Variants in C1orf146 observed in about 807,000 individuals in gnomAD.
C1orf146 encodes protein SPO16 homolog.
In C1orf146, 22 loss-of-function variants were observed where a neutral mutation model predicts 23.0. The ratio of observed to expected loss-of-function variants is 0.96; its 90% CI spans 0.68 to 1.36. C1orf146 has a LOEUF of 1.36. Among genes scored for constraint, C1orf146 ranks in the 40% most tolerant of loss-of-function variants. The probability of loss-of-function intolerance (pLI) is 0.00; values close to 1 mark genes in which losing one functional copy is unlikely to be tolerated. For missense variants in C1orf146, 199 were observed against 206.8 expected, an observed-to-expected ratio of 0.96 and a Z score of 0.23; for synonymous variants, 59 against 65.3, an observed-to-expected ratio of 0.90 and a Z score of 0.47.
intron 1 of C1orf146, among the ~76,000 whole-genome samples, chr1:92,220,074 T>G (rs944443931): frequency 4.6e-5 from 7 of 152,036 alleles, no homozygotes; most frequent in African/African-American, 1.4e-4. Flanking sequence ...CTGTGTGGGG[T>G]TTTTTTGTTT....
intron 1 of C1orf146, among the ~76,000 whole-genome samples, chr1:92,219,496 CTTTTTTTTTTTT>C (rs71091269): frequency 7.4e-5 from 6 of 81,176 alleles, no homozygotes; most frequent in African/African-American, 2.0e-4. Context: ...CTTTCTCTTT[CTTTTTTTTTTTT>C]TTTTTTTTTT....
chr1:92,234,797 T>C (rs576946877), intron 2 of C1orf146, among the ~76,000 whole-genome samples: 8 of 152,346 alleles, frequency 5.3e-5, no homozygotes, highest in African/African-American at 9.6e-5. Context: ...GCTCCTGTTA[T>C]TGGTCTATTC....
chr1:92,236,718 C>G (rs1652286364), intron 2 of C1orf146, among the ~76,000 whole-genome samples: 2 of 152,146 alleles, frequency 1.3e-5, no homozygotes, highest in African/African-American at 4.8e-5. Flanking sequence ...CAACTTGGTT[C>G]CATTCTCCCC....
intron 1 of C1orf146, among the ~76,000 whole-genome samples, chr1:92,222,532 TCGG>T (rs1280128860): frequency 1.6e-4 from 22 of 138,526 alleles, no homozygotes; most frequent in African/African-American, 5.5e-4. Flanking sequence ...TATCCCTTCT[TCGG>T]TTTTTTTTTT....
intron 1 of C1orf146, among the ~76,000 whole-genome samples, chr1:92,225,776 TTG>T (rs1287747692): frequency 6.6e-6 from 1 of 152,208 alleles, no homozygotes; most frequent in African/African-American, 2.4e-5. Context: ...ACATCCCTCT[TTG>T]TCTCAGTTGA....
intron 2 of C1orf146, among the ~76,000 whole-genome samples, chr1:92,237,638 T>C (rs1267040270): frequency 3.3e-5 from 5 of 152,128 alleles, no homozygotes; most frequent in Non-Finnish European, 7.4e-5. Flanking sequence ...AAAGCTCAGA[T>C]GGAAATGCAG....
intron 1 of C1orf146, chr1:92,229,275 A>G (rs1017305121): frequency 1.8e-6 from 1 of 555,406 alleles, no homozygotes. Context: ...GTCTTTGAAG[A>G]TGTCCACATC....
rs1193590845 is a variant in C1orf146 at position 92,244,219 on chromosome 1, G to A, written c.163G>A (p.Val55Ile). The A allele has an allele frequency of 1.6e-5, 25 of 1,580,316 alleles. No individual in the cohort carries two copies. The East Asian group carries it at 1.8e-4, about 11-fold the overall frequency. The change falls in exon 4 of 6, where the codon GTT (valine) becomes ATT (isoleucine). Residue 55 changes from valine to isoleucine, a missense_variant and splice_region_variant. By Grantham distance (29) the Val-to-Ile change is conservative. Coordinates refer to ENST00000370375, the MANE Select transcript of C1orf146 (RefSeq NM_001012425.2). ...TATATTCAATTCACCTTTCCTAGGA[G>A]TTGCATTTTTATTAATGGATACTAA... ...NGSIIFSLSG[V>I]AFLLMDTKEC...
chr1:92,245,004 G>A (rs1302084975), intron 5 of C1orf146, 147 bp downstream of exon 5: 3 of 541,692 alleles, frequency 5.5e-6, no homozygotes, highest in Non-Finnish European at 9.9e-6. Flanking sequence ...TTTTTCCCAA[G>A]CCTAACTCTC....
chr1:92,228,944 T>C (rs1024163908), intron 1 of C1orf146: 15 of 422,882 alleles, frequency 3.5e-5, no homozygotes, highest in African/African-American at 3.1e-4. Context: ...TGTATGCATT[T>C]GCCAGGGACA....
At chr1:92,229,493 CT>C in intron 1 of C1orf146, 1 of 458,868 alleles carries the variant, frequency 2.2e-6, no homozygotes, top group Non-Finnish European at 4.3e-6. Flanking sequence ...GAGCTGTACC[CT>C]TGTCCCCATT....
At chr1:92,238,427 T>A (rs940310258) in intron 2 of C1orf146, among the ~76,000 whole-genome samples, 2 of 152,214 alleles carry the variant, frequency 1.3e-5, no homozygotes, top group African/African-American at 4.8e-5. Flanking sequence ...CAAAAAGAGA[T>A]GAGATAATAT....
intron 1 of C1orf146, chr1:92,229,243 ACAG>A: frequency 1.8e-6 from 1 of 555,754 alleles, no homozygotes; most frequent in Non-Finnish European, 3.6e-6. Flanking sequence ...GTGCCGCTGG[ACAG>A]CACTGTGTTG....
chr1:92,224,963 C>T (rs574121727), intron 1 of C1orf146, among the ~76,000 whole-genome samples: 176 of 152,014 alleles, frequency 1.2e-3, no homozygotes, highest in African/African-American at 4.1e-3. Context: ...GGTTGGTCTC[C>T]ATCTCTTGAC....
chr1:92,226,036 T>C (rs1040726113), intron 1 of C1orf146, among the ~76,000 whole-genome samples: 2 of 152,190 alleles, frequency 1.3e-5, no homozygotes, highest in African/African-American at 4.8e-5. Flanking sequence ...ATAAGTCATG[T>C]GACATTAAAT....
rs117049327 is a variant in C1orf146 at position 92,240,365 on chromosome 1, A to T, written c.67-1847A>T. On this transcript the variant is annotated intron_variant, in intron 2 of 5. Coordinates refer to ENST00000370375, the MANE Select transcript of C1orf146 (RefSeq NM_001012425.2). ...TTAGCTCTCTGGTGTATTCAAGCAG[A>T]TTTTAAAAGGTTGTCCAGCTTTTCT... Among the ~76,000 whole-genome samples, 29 of 152,210 alleles carry T rather than the reference A, an allele frequency of 1.9e-4. 1 individual carries two copies. In the East Asian group the frequency reaches 5.6e-3, roughly 29 times the overall value.
Position 92,239,443 on chromosome 1 carries a change from T to C in C1orf146, c.67-2769T>C, listed in dbSNP as rs951410197. ...CCCTAAGTAGGGTTGCCAGATAAAA[T>C]ACAGGACACTCAAGTTTGAATTTCC... is the stretch of plus-strand genomic sequence containing the variant. On this transcript the variant is annotated intron_variant, in intron 2 of 5. Coordinates refer to ENST00000370375, the MANE Select transcript of C1orf146 (RefSeq NM_001012425.2). Among the ~76,000 whole-genome samples the C allele has an allele frequency of 2.6e-5, 4 of 152,272 alleles. No individual in the cohort carries two copies. In the South Asian group the frequency reaches 6.2e-4, roughly 24 times the overall value.
intron 2 of C1orf146, 38 bp from the exon 3 acceptor site, chr1:92,242,174 A>G: frequency 8.6e-7 from 1 of 1,165,528 alleles, no homozygotes; most frequent in Non-Finnish European, 1.2e-6. Flanking sequence ...AATTGTAAGC[A>G]TGCCTTAAAT....
At chr1:92,244,416 T>G in intron 4 of C1orf146, 31 bp downstream of exon 4, 2 of 1,498,174 alleles carry the variant, frequency 1.3e-6, no homozygotes, top group Non-Finnish European at 1.8e-6. Context: ...AGACTTATTT[T>G]TCTTATATTG....
Sources: gnomAD v4.1 joint callset for allele counts (sites outside exome capture counted in the v4.1 genomes callset) on GRCh38, gnomAD v4.1.1 for gene constraint, MANE v1.5 for transcripts, NCBI Gene and HGNC (gene_info 2026-07-23, HGNC 2026-07-21) for gene names.